Variants in OR2L13 observed in about 807,000 individuals in gnomAD.
OR2L13 encodes the protein olfactory receptor 2L13.
OR2L13 carries 14 observed loss-of-function variants against 15.3 expected under a neutral mutation model. The observed-to-expected ratio is 0.91, with a 90% CI of 0.60 to 1.43. OR2L13 has a LOEUF of 1.43. Ranked by LOEUF, OR2L13 falls within the 40% of genes most tolerant of loss-of-function variation. The pLI, the probability that OR2L13 is intolerant of heterozygous loss-of-function variation, is 0.00. For synonymous variants in OR2L13, 152 were observed against 142.9 expected, an observed-to-expected ratio of 1.06 and a Z score of -0.45; for missense variants, 367 against 387.9, an observed-to-expected ratio of 0.95 and a Z score of 0.45.
At chr1:247,982,669 G>A in the OR2L13 span, among the ~76,000 whole-genome samples, 1 of 152,058 alleles carries the variant, frequency 6.6e-6, no homozygotes, top group Non-Finnish European at 1.5e-5. Context: ...GACAGAAATT[G>A]CATTTCTTTT....
upstream of OR2L13, chr1:248,095,380 G>A (rs1262432357): frequency 6.6e-6 from 1 of 152,042 alleles, no homozygotes; most frequent in African/African-American, 2.4e-5. Context: ...GGAGCTGTAA[G>A]GAATGAATAT....
At chr1:247,962,202 T>C in the OR2L13 span, among the ~76,000 whole-genome samples, 2 of 152,226 alleles carry the variant, frequency 1.3e-5, no homozygotes, top group Non-Finnish European at 2.9e-5. Flanking sequence ...GTATCCTCTA[T>C]GAATTCTATA....
chr1:248,015,300 G>A, the OR2L13 span, among the ~76,000 whole-genome samples: 2 of 152,184 alleles, frequency 1.3e-5, no homozygotes, highest in Non-Finnish European at 2.9e-5. Context: ...GGAACTTGAA[G>A]GAAGGAGGAA....
At chr1:248,083,274 A>G in the OR2L13 span, among the ~76,000 whole-genome samples, 1 of 152,214 alleles carries the variant, frequency 6.6e-6, no homozygotes, top group Non-Finnish European at 1.5e-5. Context: ...TTTCCAGGTT[A>G]TGGTACAAGC....
chr1:248,016,569 G>C, the OR2L13 span, among the ~76,000 whole-genome samples: 2 of 151,966 alleles, frequency 1.3e-5, no homozygotes, highest in Admixed American at 1.3e-4. Context: ...CATCTATAAT[G>C]ATTATGTATT....
chr1:247,966,034 C>T, the OR2L13 span: 13 of 1,613,942 alleles, frequency 8.1e-6, no homozygotes, highest in East Asian at 1.1e-4. Flanking sequence ...TTCCTATGCT[C>T]GTGTGCTTAT....
chr1:248,041,585 G>C, the OR2L13 span: 4 of 152,098 alleles, frequency 2.6e-5, no homozygotes, highest in African/African-American at 7.2e-5. Flanking sequence ...CTACAGAATG[G>C]GAGAAAATTT....
chr1:248,051,518 T>C, the OR2L13 span, among the ~76,000 whole-genome samples: 2 of 152,280 alleles, frequency 1.3e-5, no homozygotes, highest in African/African-American at 4.8e-5. Flanking sequence ...TCAGGTATAA[T>C]TGGGAGCTAA....
chr1:248,051,369 A>G, the OR2L13 span: 4 of 152,170 alleles, frequency 2.6e-5, no homozygotes, highest in Non-Finnish European at 5.9e-5. Flanking sequence ...GTATATACAT[A>G]CTATATTTAT....
At chr1:248,021,817 A>G in the OR2L13 span, 16 of 648,376 alleles carry the variant, frequency 2.5e-5, no homozygotes, top group Non-Finnish European at 3.6e-5. Flanking sequence ...TAGTGTATAT[A>G]GGGTTCAGTG....
the OR2L13 span, chr1:248,038,209 A>G: frequency 8.1e-7 from 1 of 1,235,706 alleles, no homozygotes; most frequent in Non-Finnish European, 1.2e-6. Flanking sequence ...GATAAAAGTG[A>G]ATTACTGTTC....
the OR2L13 span, chr1:248,062,702 T>C: frequency 4.6e-5 from 7 of 152,192 alleles, no homozygotes; most frequent in African/African-American, 1.4e-4. Context: ...TAGAATTTAT[T>C]GTATGTATTA....
the OR2L13 span, among the ~76,000 whole-genome samples, chr1:247,958,482 A>G: frequency 3.9e-5 from 6 of 152,194 alleles, no homozygotes; most frequent in Middle Eastern, 6.8e-3. Context: ...GCTGAGTTCA[A>G]TTGCTGGATA....
chr1:248,018,159 AT>A, the OR2L13 span, among the ~76,000 whole-genome samples: 79 of 151,254 alleles, frequency 5.2e-4, 1 homozygote, highest in African/African-American at 1.8e-3. Flanking sequence ...TCTCAAAAAA[AT>A]AAAAAAAAAA....
the OR2L13 span, among the ~76,000 whole-genome samples, chr1:248,042,461 T>A: frequency 2.0e-5 from 3 of 151,808 alleles, no homozygotes; most frequent in Non-Finnish European, 2.9e-5. Context: ...CATATGTAAA[T>A]AACCTGCACA....
the OR2L13 span, among the ~76,000 whole-genome samples, chr1:247,970,038 T>C: frequency 2.0e-5 from 3 of 152,210 alleles, no homozygotes; most frequent in Non-Finnish European, 4.4e-5. Context: ...GTTTTGGTCA[T>C]GTACTACAGC....
At chr1:247,949,163 C>T in the OR2L13 span, 5 of 1,613,990 alleles carry the variant, frequency 3.1e-6, no homozygotes, top group Admixed American at 6.7e-5. Flanking sequence ...AGAGTTTCTT[C>T]TTCTTGGCAT....
the OR2L13 span, among the ~76,000 whole-genome samples, chr1:248,029,648 T>C: frequency 2.0e-5 from 3 of 152,166 alleles, no homozygotes; most frequent in Non-Finnish European, 4.4e-5. Context: ...TTTCTACTTA[T>C]GTGGTTTTAT....
chr1:248,079,533 A>G, the OR2L13 span, among the ~76,000 whole-genome samples: 11 of 152,190 alleles, frequency 7.2e-5, no homozygotes, highest in Admixed American at 2.0e-4. Flanking sequence ...AGACAGGATG[A>G]TTATTCTACC....
Sources: gnomAD v4.1 joint callset for allele counts (sites outside exome capture counted in the v4.1 genomes callset) on GRCh38, gnomAD v4.1.1 for gene constraint, MANE v1.5 for transcripts, NCBI Gene and HGNC (gene_info 2026-07-23, HGNC 2026-07-21) for gene names.